PAICS: variants seen among roughly 807,000 people sequenced by gnomAD.
PAICS encodes phosphoribosylaminoimidazole carboxylase and phosphoribosylaminoimidazolesuccinocarboxamide synthase, also known as bifunctional phosphoribosylaminoimidazole carboxylase/phosphoribosylaminoimidazole succinocarboxamide synthetase.
In PAICS, 33 loss-of-function variants were observed where a neutral mutation model predicts 53.7. That is an observed-to-expected ratio of 0.61 (90% CI 0.47 to 0.82). The LOEUF (loss-of-function observed/expected upper bound fraction) is 0.82. PAICS is among the 40% of genes least tolerant of loss of function. The pLI is 0.00. For missense variants in PAICS, 394 were observed against 494.1 expected (o/e 0.80, Z 1.92); for synonymous variants, 141 against 167.2 (o/e 0.84, Z 1.21).
rs919311092 is a variant in PAICS, at chr4:56,464,254, C to T, written c.*4716C>T. On this transcript the variant is annotated 3_prime_UTR_variant, in exon 9 of 9. Coordinates refer to ENST00000512576, the MANE Select transcript of PAICS (RefSeq NM_001079524.2). ...TACAGCCTATTATGTATATATAAGACCCTGGGAATGCAAAGATGAACAAAA... is the reference window on the plus strand; with the variant it reads ...TACAGCCTATTATGTATATATAAGATCCTGGGAATGCAAAGATGAACAAAA... The T allele has an allele frequency of 1.3e-5, 2 of 152,062 alleles. No individual in the cohort carries two copies. Among genetic ancestry groups the T allele is most frequent in the Non-Finnish European group, 2.9e-5 (2 of 68,020 alleles). 9.4% of individuals were successfully genotyped at this position (152,062 alleles called of 1,614,324 possible). A position where few individuals can be genotyped will look rare whatever the true frequency, so the allele number is the denominator to read the frequency against.
intron 6 of PAICS, 28 bp from the exon 7 acceptor site, chr4:56,451,843 CT>C: frequency 1.4e-6 from 2 of 1,430,774 alleles, no homozygotes; most frequent in Non-Finnish European, 9.3e-7. Flanking sequence ...TTTTTATGTT[CT>C]TTTCATATCC....
intron 1 of PAICS, chr4:56,436,678 G>A: frequency 1.9e-6 from 1 of 525,208 alleles, no homozygotes; most frequent in Admixed American, 2.4e-5. Flanking sequence ...TTCTAAGAAG[G>A]TTAATAATTG....
rs183517898 is a variant in PAICS, at chr4:56,461,819, A to G, written c.*2281A>G. ...TATCTTTTGAGTATTTATACTTTCT[A>G]CGGGCTTGTAGGTAAACATAAAAAG... On this transcript the variant is annotated 3_prime_UTR_variant, in exon 9 of 9. Transcript: ENST00000512576. 2 of 152,344 alleles carry G rather than the reference A, an allele frequency of 1.3e-5. No homozygotes were observed. The highest frequency in any genetic ancestry group is 1.3e-4 in the Admixed American group (2 of 15,306). The allele number at this position is 152,344 out of a possible 1,614,324, so 9.4% of individuals were successfully genotyped here. A position where few individuals can be genotyped will look rare whatever the true frequency, so the allele number is the denominator to read the frequency against.
Position 56,452,072 on chromosome 4 carries a change from G to T in PAICS, c.952+20G>T, listed in dbSNP as rs755276569. The T allele has an allele frequency of 1.3e-5, 20 of 1,481,842 alleles. No homozygotes were observed. Among genetic ancestry groups the T allele is most frequent in the Non-Finnish European group, 1.6e-5 (17 of 1,079,064 alleles). 91.8% of individuals were successfully genotyped at this position (1,481,842 alleles called of 1,614,324 possible). On this transcript the variant is annotated intron_variant, in intron 7 of 8. Coordinates refer to ENST00000512576, the MANE Select transcript of PAICS (RefSeq NM_001079524.2). ...ATGAAGGTAAACCACAAGTAATATG[G>T]ACATTTCAGGTATTTCTGATTTTGC...
chr4:56,448,884 G>A, intron 5 of PAICS, 61 bp downstream of exon 5: 1 of 892,322 alleles, frequency 1.1e-6, no homozygotes, highest in South Asian at 1.5e-5. Context: ...GAGGAGAAAG[G>A]AGAGATGAGG....
chr4:56,431,582 G>A, upstream of PAICS: 1 of 909,926 alleles, frequency 1.1e-6, no homozygotes, highest in Non-Finnish European at 1.3e-6. Flanking sequence ...GTATGAAAAT[G>A]TTTGTCATTG....
intron 1 of PAICS, among the ~76,000 whole-genome samples, chr4:56,437,256 G>GGGGTGTGT (rs372147545): frequency 1.4e-4 from 18 of 124,308 alleles, no homozygotes; most frequent in African/African-American, 5.4e-4. Context: ...ATGCCATGAT[G>GGGGTGTGT]GTGTGTGTGT....
At chr4:56,437,096 T>TGAA (rs1438333714) in intron 1 of PAICS, among the ~76,000 whole-genome samples, 5 of 148,624 alleles carry the variant, frequency 3.4e-5, no homozygotes, top group Non-Finnish European at 5.9e-5. Context: ...AAGTAGTCTT[T>TGAA]GATGCCACGA....
At chr4:56,451,576 G>A (rs1044524662) in intron 6 of PAICS, among the ~76,000 whole-genome samples, 5 of 152,154 alleles carry the variant, frequency 3.3e-5, no homozygotes, top group African/African-American at 1.2e-4. Flanking sequence ...GTCTTAGGAT[G>A]AAATATTTTG....
upstream of PAICS, chr4:56,436,051 G>T: frequency 6.6e-7 from 1 of 1,512,700 alleles, no homozygotes; most frequent in Non-Finnish European, 8.8e-7. Flanking sequence ...CTGCGCCAGC[G>T]CGGGGCGGCC....
At chr4:56,446,986 C>A in intron 3 of PAICS, 113 bp downstream of exon 3, 1 of 590,584 alleles carries the variant, frequency 1.7e-6, no homozygotes, top group Non-Finnish European at 2.6e-6. Context: ...TTTGATATTG[C>A]AAATGTCATT....
the PAICS span, chr4:56,410,567 C>T: frequency 8.1e-6 from 8 of 986,242 alleles, no homozygotes; most frequent in Non-Finnish European, 9.6e-6. Flanking sequence ...TAAAGCTTTG[C>T]TAAGTGTCTG....
At chr4:56,435,340 T>C, upstream of PAICS, 9 of 1,350,094 alleles carry the variant, frequency 6.7e-6, no homozygotes, top group Non-Finnish European at 9.3e-6. Context: ...ACCCCCACCC[T>C]GTTGCTCACC....
chr4:56,446,472 C>A (rs946303314), intron 2 of PAICS: 35 of 695,510 alleles, frequency 5.0e-5, no homozygotes, highest in South Asian at 4.2e-4. Context: ...TCAGGAATTT[C>A]GTTCCTTTTT....
In PAICS at chr4:56,459,615, A is replaced by G. The variant is rs544014526; in HGVS notation, c.*77A>G. On this transcript the variant is annotated 3_prime_UTR_variant, in exon 9 of 9. Coordinates refer to ENST00000512576, the MANE Select transcript of PAICS (RefSeq NM_001079524.2). ...GCTGAAGGAAAATCAAGCAAGATGA[A>G]AAGGTAATTTTAAATTAGAGAACAC... 103 of 1,098,622 alleles carry G rather than the reference A, an allele frequency of 9.4e-5. 1 individual carries two copies. In the South Asian group the frequency reaches 1.6e-3, roughly 17 times the overall value. 68.1% of individuals were successfully genotyped at this position (1,098,622 alleles called of 1,614,324 possible).
rs762120789 is a variant in PAICS at position 56,446,729 on chromosome 4, G to A, written c.249G>A (p.Glu83=). 4.3e-5 allele frequency: 69 copies of A among 1,603,596 alleles called. No individual in the cohort carries two copies. Among genetic ancestry groups the A allele is most frequent in the Non-Finnish European group, 5.5e-5 (65 of 1,174,206 alleles). ...CTGCCTTCACCAGAAAATGTGGGGA[G>A]ACAGCTTTCATTGCACCGCAGTGTG... ...IKTAFTRKCG[E]TAFIAPQCEM... The change falls in exon 3 of 9, where the codon GAG becomes GAA. Residue 83 remains glutamate (E), a synonymous_variant. Transcript: ENST00000512576.
the PAICS span, among the ~76,000 whole-genome samples, chr4:56,423,774 T>C: frequency 6.6e-6 from 1 of 152,044 alleles, no homozygotes; most frequent in Non-Finnish European, 1.5e-5. Context: ...TATTTTAAAC[T>C]GTCACATGAA....
At chr4:56,446,946 G>A (rs1376830151) in intron 3 of PAICS, 73 bp downstream of exon 3, 1 of 944,864 alleles carries the variant, frequency 1.1e-6, no homozygotes, top group Middle Eastern at 2.4e-4. Flanking sequence ...AACTCTAAAG[G>A]TTTAAATATT....
At chr4:56,426,058 T>A in the PAICS span, among the ~76,000 whole-genome samples, 1 of 152,294 alleles carries the variant, frequency 6.6e-6, no homozygotes, top group East Asian at 1.9e-4. Context: ...TCCACAGTTA[T>A]ACAATAATCA....
Sources: gnomAD v4.1 joint callset for allele counts (sites outside exome capture counted in the v4.1 genomes callset) on GRCh38, gnomAD v4.1.1 for gene constraint, MANE v1.5 for transcripts, NCBI Gene and HGNC (gene_info 2026-07-23, HGNC 2026-07-21) for gene names.